The following SH3PXD2A variants were observed in gnomAD, a reference collection of about 807,000 sequenced individuals.
SH3PXD2A encodes SH3 and PX domains 2A.
In SH3PXD2A, 32 loss-of-function variants were observed where a neutral mutation model predicts 115.2. The ratio of observed to expected loss-of-function variants is 0.28; its 90% CI spans 0.21 to 0.37. The LOEUF (loss-of-function observed/expected upper bound fraction) is 0.37, where lower values mean the gene tolerates loss of function less well. SH3PXD2A is among the 10% of genes least tolerant of loss of function. The pLI is 1.00. For synonymous variants in SH3PXD2A, 610 were observed against 629.1 expected (o/e 0.97, Z 0.45); for missense variants, 1,328 against 1,498.7 (o/e 0.89, Z 1.88).
In SH3PXD2A at chr10:103,602,384, G is replaced by T. The variant is rs1315978128; in HGVS notation, c.2834C>A (p.Ala945Asp). 2 of 1,613,808 alleles carry T rather than the reference G, an allele frequency of 1.2e-6. No individual in the cohort carries two copies. Among genetic ancestry groups the T allele is most frequent in the Non-Finnish European group, 1.7e-6 (2 of 1,179,950 alleles). The part of the protein sequence containing the change: ...ALNTVNQSKK[A>D]TPPIPSKPPG... Reference sequence around the variant, plus strand: ...AGGTTTGGAGGGGATGGGGGGCGTGGCCTTCTTGCTCTGGTTGACGGTGTT... The same window carrying T: ...AGGTTTGGAGGGGATGGGGGGCGTGTCCTTCTTGCTCTGGTTGACGGTGTT... The change falls in exon 15 of 15, where the codon GCC (alanine) becomes GAC (aspartate). Residue 945 changes from alanine to aspartate, a missense_variant. Around this residue, in one of 5 missense-constraint regions of SH3PXD2A, gnomAD observed 574 missense variants for 565.7 expected, o/e 1.01. Transcript: ENST00000369774.
intron 1 of SH3PXD2A, among the ~76,000 whole-genome samples, chr10:103,829,214 G>A (rs1464361240): frequency 1.3e-5 from 2 of 152,186 alleles, no homozygotes; most frequent in African/African-American, 4.8e-5. Context: ...ACTGCTGTGG[G>A]AGGCCAGCCC....
intron 2 of SH3PXD2A, among the ~76,000 whole-genome samples, chr10:103,798,226 G>T (rs1246849751): frequency 1.3e-5 from 2 of 152,212 alleles, no homozygotes; most frequent in Non-Finnish European, 2.9e-5. Context: ...GCCTCCTGTT[G>T]TTATCTGAAT....
chr10:103,597,424 G>A lies in SH3PXD2A; in HGVS notation c.*4392C>T, dbSNP rs10883887. On this transcript the variant is annotated 3_prime_UTR_variant, in exon 15 of 15. Coordinates refer to ENST00000369774, the MANE Select transcript of SH3PXD2A (RefSeq NM_001394015.1). ...GCTGCTGGGAGTCATTTTTAGGCCA[G>A]GTCTCTCTGAGCAGCTGGCTGCACC... 0.38 allele frequency: 57,487 copies of A among 152,168 alleles called. 11,583 individuals are homozygous for A. The highest frequency in any genetic ancestry group is 0.56 in the South Asian group (2,703 of 4,818). 9.4% of individuals were successfully genotyped at this position (152,168 alleles called of 1,614,324 possible). A position where few individuals can be genotyped will look rare whatever the true frequency, so the allele number is the denominator to read the frequency against.
chr10:103,609,506 A>C (rs910853927), intron 13 of SH3PXD2A: 1 of 152,264 alleles, frequency 6.6e-6, no homozygotes, highest in African/African-American at 2.4e-5. Context: ...GCAGCATCTA[A>C]GCATGACATT....
At chr10:103,604,287 G>C (rs1404923277) in intron 14 of SH3PXD2A, among the ~76,000 whole-genome samples, 1 of 152,232 alleles carries the variant, frequency 6.6e-6, no homozygotes, top group Non-Finnish European at 1.5e-5. Flanking sequence ...CCCGAGGCCA[G>C]AGCCTCTCTG....
At chr10:103,634,888 G>A (rs1024609043) in intron 8 of SH3PXD2A, among the ~76,000 whole-genome samples, 5 of 152,162 alleles carry the variant, frequency 3.3e-5, no homozygotes, top group Non-Finnish European at 7.4e-5. Context: ...TGAATGGAGC[G>A]TATTTCCTGA....
chr10:103,762,916 A>G (rs964681150), intron 3 of SH3PXD2A, among the ~76,000 whole-genome samples: 2 of 145,612 alleles, frequency 1.4e-5, no homozygotes, highest in African/African-American at 5.1e-5. Flanking sequence ...CAACCTCAGC[A>G]CCACTGCACA....
intron 8 of SH3PXD2A, among the ~76,000 whole-genome samples, chr10:103,637,411 GC>G (rs1476420705): frequency 6.6e-6 from 1 of 152,212 alleles, no homozygotes; most frequent in Non-Finnish European, 1.5e-5. Flanking sequence ...AATGTGGGCT[GC>G]ACTCATTCCA....
chr10:103,702,765 C>T (rs1391803136), intron 5 of SH3PXD2A, among the ~76,000 whole-genome samples: 1 of 152,162 alleles, frequency 6.6e-6, no homozygotes, highest in Non-Finnish European at 1.5e-5. Context: ...AGAGATTCTC[C>T]CTGAAGGCTG....
intron 8 of SH3PXD2A, among the ~76,000 whole-genome samples, chr10:103,628,592 C>T (rs971170768): frequency 4.6e-5 from 7 of 152,030 alleles, no homozygotes; most frequent in African/African-American, 1.7e-4. Flanking sequence ...AGATTCTGTC[C>T]CTCTCTGCCT....
chr10:103,794,443 C>T (rs199931847), intron 2 of SH3PXD2A, among the ~76,000 whole-genome samples: 1 of 152,176 alleles, frequency 6.6e-6, no homozygotes, highest in African/African-American at 2.4e-5. Context: ...TAGCCCAGCG[C>T]TTTGTAGGTC....
chr10:103,602,268 C>A lies in SH3PXD2A; in HGVS notation c.2950G>T (p.Val984Leu), dbSNP rs757043804. 3 of 1,612,646 alleles carry A rather than the reference C, an allele frequency of 1.9e-6. No homozygotes were observed. The highest frequency in any genetic ancestry group is 1.7e-5 in the Admixed American group (1 of 59,914). Reference sequence around the variant, plus strand: ...TTGTTGTCCTTGGGTGGCGGGGACACAAACACCGACTGGGGCCTGACCGCC... The same window carrying A: ...TTGTTGTCCTTGGGTGGCGGGGACAAAAACACCGACTGGGGCCTGACCGCC... The part of the protein sequence containing the change: ...QVAVRPQSVF[V>L]SPPPKDNNLS... Residue 984 changes from valine to leucine, a missense_variant, in exon 15 of 15, where the codon GTG (valine) becomes TTG (leucine). Around this residue, in one of 5 missense-constraint regions of SH3PXD2A, gnomAD observed 574 missense variants for 565.7 expected, o/e 1.01. Transcript: ENST00000369774.
At chr10:103,760,380 G>A (rs1351731075) in intron 3 of SH3PXD2A, among the ~76,000 whole-genome samples, 1 of 152,032 alleles carries the variant, frequency 6.6e-6, no homozygotes, top group African/African-American at 2.4e-5. Context: ...ACCAGCCTAA[G>A]CAACATGATA....
At chr10:103,634,664 C>T (rs138130316) in intron 8 of SH3PXD2A, among the ~76,000 whole-genome samples, 138 of 152,260 alleles carry the variant, frequency 9.1e-4, no homozygotes, top group African/African-American at 3.2e-3. Context: ...GAGCAGGTGT[C>T]TTGTATGTGC....
intron 8 of SH3PXD2A, among the ~76,000 whole-genome samples, chr10:103,645,660 G>A (rs1482163262): frequency 6.6e-6 from 1 of 152,058 alleles, no homozygotes; most frequent in Non-Finnish European, 1.5e-5. Context: ...GAATGCAGGG[G>A]GTGCCACTAG....
chr10:103,703,241 T>G (rs954293676), intron 5 of SH3PXD2A, among the ~76,000 whole-genome samples: 1 of 152,202 alleles, frequency 6.6e-6, no homozygotes, highest in Admixed American at 6.5e-5. Context: ...GATCGCCTCT[T>G]ACAGTGAAGG....
chr10:103,725,949 C>T (rs768483159), intron 4 of SH3PXD2A, among the ~76,000 whole-genome samples: 3 of 152,152 alleles, frequency 2.0e-5, no homozygotes, highest in Non-Finnish European at 4.4e-5. Context: ...CCTGACCTGG[C>T]CCAGTCCGAC....
chr10:103,654,042 C>T (rs150696974), intron 8 of SH3PXD2A, among the ~76,000 whole-genome samples: 2 of 152,148 alleles, frequency 1.3e-5, no homozygotes, highest in African/African-American at 4.8e-5. Context: ...TTCATTCTCC[C>T]AGCCCTGCTC....
intron 5 of SH3PXD2A, among the ~76,000 whole-genome samples, chr10:103,711,178 G>C (rs964057697): frequency 6.6e-6 from 1 of 152,186 alleles, no homozygotes; most frequent in African/African-American, 2.4e-5. Flanking sequence ...CATCCCAAGA[G>C]GGAAAAATGA....
Sources: allele counts gnomAD v4.1 joint callset (sites outside exome capture counted in the v4.1 genomes callset), GRCh38; gene constraint gnomAD v4.1.1; regional missense constraint gnomAD v4.1.1; transcripts MANE v1.5; gene names NCBI Gene and HGNC (gene_info 2026-07-23, HGNC 2026-07-21).